RPS3A: variants seen among roughly 807,000 people sequenced by gnomAD.
RPS3A encodes the protein small ribosomal subunit protein eS1.
RPS3A carries 1 observed loss-of-function variant against 26.4 expected under a neutral mutation model. The ratio of observed to expected loss-of-function variants is 0.04; its 90% CI spans 0.01 to 0.18. The LOEUF (loss-of-function observed/expected upper bound fraction) is 0.18, where lower values mean the gene tolerates loss of function less well. Among genes scored for constraint, RPS3A ranks in the 10% least tolerant of loss-of-function variants. The pLI, the probability that RPS3A is intolerant of heterozygous loss-of-function variation, is 1.00. For synonymous variants in RPS3A, 97 were observed against 106.1 expected (o/e 0.91, Z 0.53); for missense variants, 139 against 326.8 (o/e 0.43, Z 4.43).
chr4:151,103,299 G>C (rs1196294487), intron 4 of RPS3A: 2 of 917,636 alleles, frequency 2.2e-6, no homozygotes, highest in Non-Finnish European at 3.0e-6. Flanking sequence ...GCCCAGGCTC[G>C]AGTGCAGTAT....
chr4:151,102,297 CAAT>C (rs1339876308), intron 3 of RPS3A, among the ~76,000 whole-genome samples: 1 of 151,946 alleles, frequency 6.6e-6, no homozygotes, highest in Non-Finnish European at 1.5e-5. Flanking sequence ...TCAATTTAGG[CAAT>C]AATATGACCA....
Position 151,104,293 on chromosome 4 carries a change from G to C in RPS3A, c.673+7G>C. ...AAGAAGCCCAAGTTTGAATGTAAGT[G>C]AGAAATCACATGATTCCTGTAGGGC... On this transcript the variant is annotated splice_region_variant and intron_variant, in intron 5 of 5. Transcript: ENST00000274065. 2 of 1,612,768 alleles carry C rather than the reference G, an allele frequency of 1.2e-6. No individual in the cohort carries two copies. The highest frequency in any genetic ancestry group is 1.7e-6 in the Non-Finnish European group (2 of 1,179,666).
intron 3 of RPS3A, among the ~76,000 whole-genome samples, chr4:151,101,836 G>T (rs1192291609): frequency 6.6e-6 from 1 of 152,088 alleles, no homozygotes; most frequent in Non-Finnish European, 1.5e-5. Context: ...GGGTTCAAGG[G>T]ATTCTCATGC....
intron 2 of RPS3A, 50 bp downstream of exon 2, chr4:151,100,638 A>ATTGTAGCAGGCATCTTGGTCTG: frequency 9.3e-7 from 1 of 1,074,084 alleles, no homozygotes; most frequent in Non-Finnish European, 1.4e-6. Context: ...GCGCTTGTAT[A>ATTGTAGCAGGCATCTTGGTCTG]TTGTAGCAGG....
rs754453994 is a variant in RPS3A, at chr4:151,103,000, C to T, written c.484C>T (p.Arg162Cys). The T allele has an allele frequency of 9.4e-6, 15 of 1,602,752 alleles. No homozygotes were observed. The highest frequency in any genetic ancestry group is 4.5e-5 in the East Asian group (2 of 44,866). ...CTCTTATGCTCAGCACCAACAGGTC[C>T]GCCAAATCCGGAAGAAGATGATGGA... The part of the protein sequence containing the change: ...KTSYAQHQQV[R>C]QIRKKMMEIM... The change falls in exon 4 of 6, where the codon CGC becomes TGC. Residue 162 changes from arginine to cysteine, a missense_variant. Physicochemically the swap from Arg to Cys is radical, Grantham distance 180 (BLOSUM62 -3). This residue lies in a region of RPS3A where 96 missense variants were observed against 209.8 expected (regional missense o/e 0.46). Transcript: ENST00000274065.
At chr4:151,103,285 T>C in intron 4 of RPS3A, 1 of 1,045,078 alleles carries the variant, frequency 9.6e-7, no homozygotes, top group African/African-American at 1.6e-5. Flanking sequence ...AGTCTTGCTC[T>C]GTTGCCCAGG....
intron 4 of RPS3A, chr4:151,103,632 T>G: frequency 9.3e-7 from 1 of 1,073,446 alleles, no homozygotes; most frequent in Non-Finnish European, 1.1e-6. Flanking sequence ...TTGAGTGGGG[T>G]GGGATGTGCC....
At chr4:151,103,203 A>G (rs376814787) in intron 4 of RPS3A, 124 bp downstream of exon 4, 2 of 1,421,930 alleles carry the variant, frequency 1.4e-6, no homozygotes, top group South Asian at 1.5e-5. Context: ...CCTTCTAGCT[A>G]TATCTCTTTA....
intron 2 of RPS3A, 149 bp downstream of exon 2, chr4:151,100,737 T>C: frequency 1.6e-6 from 1 of 644,120 alleles, no homozygotes; most frequent in Non-Finnish European, 2.7e-6. Context: ...GTGATCATTT[T>C]TAGTACAGCA....
intron 3 of RPS3A, among the ~76,000 whole-genome samples, chr4:151,101,882 G>A (rs1747130321): frequency 2.0e-5 from 3 of 151,978 alleles, no homozygotes; most frequent in Admixed American, 1.3e-4. Flanking sequence ...ACAGGCACCC[G>A]CCACCACGCC....
At position 151,099,728 on chromosome 4, in the gene RPS3A, G is replaced by T; in HGVS notation, c.62+14G>T. ...CAAGAAGAAAGTGTAAGTCGCGACT[G>T]TCGTGGCGTCTTGCTTTTTGGGGGT... On this transcript the variant is annotated intron_variant, in intron 1 of 5. Coordinates refer to ENST00000274065, the MANE Select transcript of RPS3A (RefSeq NM_001006.5). 6.2e-7 allele frequency: 1 copy of T among 1,609,100 alleles called. No homozygotes were observed. The highest frequency in any genetic ancestry group is 8.5e-7 in the Non-Finnish European group (1 of 1,177,578).
chr4:151,104,442 T>TTTG lies in RPS3A; in HGVS notation c.674-28_674-27insGTT, dbSNP rs1369392858. The TTTG allele has an allele frequency of 8.9e-6, 11 of 1,229,404 alleles. No homozygotes were observed. In the African/African-American group the frequency reaches 1.5e-4, roughly 17 times the overall value. The allele number at this position is 1,229,404 out of a possible 1,614,324, so 76.2% of individuals were successfully genotyped here. ...AAGATATACTAACAGTTTTTTGGTT[T>TTTG]TTTTTTTTTTTTTTTTTTTTGCCTT... On this transcript the variant is annotated intron_variant, in intron 5 of 5. Transcript: ENST00000274065.
At chr4:151,102,200 G>GTT in intron 3 of RPS3A, 7 of 354,502 alleles carry the variant, frequency 2.0e-5, no homozygotes, top group Admixed American at 7.2e-5. Flanking sequence ...TATTTGATTA[G>GTT]TTTTTTTTTA....
chr4:151,100,730 A>T, intron 2 of RPS3A, 142 bp downstream of exon 2: 2 of 649,574 alleles, frequency 3.1e-6, no homozygotes, highest in Middle Eastern at 5.0e-4. Flanking sequence ...ACCTGTGGTG[A>T]TCATTTTTAG....
At chr4:151,101,776 G>A (rs1267302775) in intron 3 of RPS3A, among the ~76,000 whole-genome samples, 2 of 151,962 alleles carry the variant, frequency 1.3e-5, no homozygotes, top group African/African-American at 4.8e-5. Context: ...CTTATCGTCC[G>A]GGCTGGAGTG....
At chr4:151,101,216 A>G in intron 3 of RPS3A, 54 bp downstream of exon 3, 1 of 1,132,516 alleles carries the variant, frequency 8.8e-7, no homozygotes, top group Non-Finnish European at 1.3e-6. Flanking sequence ...GACCAAGGAT[A>G]GCATGGTTTG....
In RPS3A at chr4:151,102,961, C is replaced by G; in HGVS notation, c.445C>G (p.Gln149Glu). Residue 149 changes from glutamine (Q) to glutamate (E), a missense_variant, in exon 4 of 6, where the codon CAG becomes GAG. Physicochemically the swap from Gln to Glu is conservative, Grantham distance 29. Around this residue, in one of 3 missense-constraint regions of RPS3A, gnomAD observed 96 missense variants for 209.8 expected, o/e 0.46. Coordinates refer to ENST00000274065, the MANE Select transcript of RPS3A (RefSeq NM_001006.5). ...CVGFTKKRNN[Q>E]IRKTSYAQHQ... ...TGGTTTTACTAAAAAACGCAACAAT[C>G]AGATACGGAAGACCTCTTATGCTCA... The G allele has an allele frequency of 6.2e-7, 1 of 1,608,860 alleles. No individual in the cohort carries two copies. The highest frequency in any genetic ancestry group is 8.5e-7 in the Non-Finnish European group (1 of 1,179,378).
intron 4 of RPS3A, 70 bp from the exon 5 acceptor site, chr4:151,104,106 CT>C: frequency 6.8e-7 from 1 of 1,474,798 alleles, no homozygotes; most frequent in Non-Finnish European, 9.0e-7. Flanking sequence ...GGCTTCTCTA[CT>C]TTTAAAGGAA....
At position 151,099,647 on chromosome 4, in the gene RPS3A, A is replaced by C. The variant is rs759583909; in HGVS notation, c.-6A>C. 6 of 1,613,872 alleles carry C rather than the reference A, an allele frequency of 3.7e-6. No homozygotes were observed. The Admixed American group carries it at 1.0e-4, about 27-fold the overall frequency. ...CTTCCGCCCTTTTGGCTCTCTGACC[A>C]GCACCATGGCGGTTGGCAAGAACAA... is the stretch of plus-strand genomic sequence containing the variant. On this transcript the variant is annotated 5_prime_UTR_variant, in exon 1 of 6. Coordinates refer to ENST00000274065, the MANE Select transcript of RPS3A (RefSeq NM_001006.5).
Sources: allele counts gnomAD v4.1 joint callset (sites outside exome capture counted in the v4.1 genomes callset), GRCh38; gene constraint gnomAD v4.1.1; regional missense constraint gnomAD v4.1.1; transcripts MANE v1.5; gene names NCBI Gene and HGNC (gene_info 2026-07-23, HGNC 2026-07-21).